Variants in ACOT7 observed in about 807,000 individuals in gnomAD.
ACOT7 encodes acyl-CoA thioesterase 7.
Under a neutral mutation model 40.2 loss-of-function variants are expected in ACOT7, and 12 were observed. The observed-to-expected ratio is 0.30, with a 90% CI of 0.19 to 0.48. ACOT7 has a LOEUF of 0.48. Ranked by LOEUF, ACOT7 falls within the 20% of genes least tolerant of loss-of-function variation. ACOT7 has a pLI of 0.99. For synonymous variants in ACOT7, 228 were observed against 219.5 expected (o/e 1.04, Z -0.34); for missense variants, 395 against 530.8 (o/e 0.74, Z 2.51).
chr1:6,280,056 G>A lies in ACOT7; in HGVS notation c.1014+1046C>T, dbSNP rs1024941512. On this transcript the variant is annotated intron_variant, in intron 8 of 8. Transcript: ENST00000361521. ...GATCTGCGTGGGGAGCAGACGCCGC[G>A]GGGGCAGGGGCCTCGAGAACCTCTG... Among the ~76,000 whole-genome samples the A allele has an allele frequency of 8.5e-5, 13 of 152,338 alleles. 1 individual carries two copies. The highest frequency in any genetic ancestry group is 1.4e-4 in the African/African-American group (6 of 41,572).
intron 3 of ACOT7, among the ~76,000 whole-genome samples, chr1:6,339,140 C>A (rs1641190602): frequency 6.6e-6 from 1 of 152,068 alleles, no homozygotes; most frequent in Non-Finnish European, 1.5e-5. Context: ...CATGGATGAG[C>A]TGGCCACGGG....
Position 6,287,960 on chromosome 1 carries a change from A to T in ACOT7, c.830-6674T>A, listed in dbSNP as rs188557099. 1.8e-4 allele frequency among the ~76,000 whole-genome samples: 28 copies of T among 152,190 alleles called. 1 individual carries two copies. Among genetic ancestry groups the T allele is most frequent in the Admixed American group, 1.8e-3 (27 of 15,292 alleles). Reference sequence around the variant, plus strand: ...TAATAGTGGAGATCGTTTCTCCCCAAGAAAACGTCAACTTTAGGTTTTCTC... The same window carrying T: ...TAATAGTGGAGATCGTTTCTCCCCATGAAAACGTCAACTTTAGGTTTTCTC... On this transcript the variant is annotated intron_variant, in intron 7 of 8. Transcript: ENST00000361521.
chr1:6,382,636 C>T (rs1415259774), intron 1 of ACOT7, among the ~76,000 whole-genome samples: 1 of 151,276 alleles, frequency 6.6e-6, no homozygotes, highest in Non-Finnish European at 1.5e-5. Context: ...GCCAACATGG[C>T]GAAATCCTGT....
At chr1:6,319,870 C>T (rs1272991459) in intron 5 of ACOT7, among the ~76,000 whole-genome samples, 1 of 152,214 alleles carries the variant, frequency 6.6e-6, no homozygotes, top group Non-Finnish European at 1.5e-5. Flanking sequence ...GAGCCATCCA[C>T]GAGGGTGCGA....
chr1:6,265,558 C>T (rs918589875), intron 8 of ACOT7, among the ~76,000 whole-genome samples: 14 of 152,160 alleles, frequency 9.2e-5, no homozygotes, highest in African/African-American at 1.4e-4. Context: ...CTGCCCAGGA[C>T]GGTCCTGGTT....
chr1:6,362,096 C>G (rs1197571352), intron 1 of ACOT7, among the ~76,000 whole-genome samples: 1 of 152,156 alleles, frequency 6.6e-6, no homozygotes, highest in Non-Finnish European at 1.5e-5. Context: ...GGGGAAAAGA[C>G]CCAGTTTTCT....
intron 8 of ACOT7, among the ~76,000 whole-genome samples, chr1:6,272,014 G>A (rs1055825265): frequency 1.3e-5 from 2 of 152,270 alleles, no homozygotes; most frequent in East Asian, 1.9e-4. Context: ...CTCTTGTGCC[G>A]GAGTGTGGAC....
intron 1 of ACOT7, among the ~76,000 whole-genome samples, chr1:6,375,045 A>T (rs1297844103): frequency 6.6e-6 from 1 of 151,900 alleles, no homozygotes; most frequent in African/African-American, 2.4e-5. Context: ...TGGGAGGCCG[A>T]GGCGGGCGGA....
At chr1:6,360,739 C>A (rs1641871727) in intron 1 of ACOT7, 3 of 1,596,320 alleles carry the variant, frequency 1.9e-6, no homozygotes, top group South Asian at 1.1e-5. Context: ...ATACTGTGCC[C>A]TTTGGACTTG....
At chr1:6,382,925 T>C (rs1426780912) in intron 1 of ACOT7, among the ~76,000 whole-genome samples, 1 of 151,530 alleles carries the variant, frequency 6.6e-6, no homozygotes, top group Non-Finnish European at 1.5e-5. Context: ...GTCACCCAGG[T>C]TGGAGTGCAA....
In ACOT7 at chr1:6,355,144, G is replaced by T. The variant is rs1641707972; in HGVS notation, c.144-5278C>A. Among the ~76,000 whole-genome samples, 1 of 152,082 alleles carries T rather than the reference G, an allele frequency of 6.6e-6. No individual in the cohort carries two copies. Among genetic ancestry groups the T allele is most frequent in the Admixed American group, 6.5e-5 (1 of 15,272 alleles). On this transcript the variant is annotated intron_variant, in intron 1 of 8. Coordinates refer to ENST00000361521, the MANE Select transcript of ACOT7 (RefSeq NM_007274.4). This position sits in a 1 kb window ranked among gnomAD's most constrained non-coding sequence, Gnocchi z 5.0. ...CCTTCCCACCGTTCTACCTGTCCCA[G>T]CAACGCCTGACCCACCCTTTGTGAA...
chr1:6,380,598 A>C (rs548258137), intron 1 of ACOT7, among the ~76,000 whole-genome samples: 3 of 151,272 alleles, frequency 2.0e-5, no homozygotes, highest in Admixed American at 6.6e-5. Context: ...AAAAAAAAAA[A>C]AAAACAAGAA....
chr1:6,379,476 G>C (rs1167907386), intron 1 of ACOT7, among the ~76,000 whole-genome samples: 1 of 148,500 alleles, frequency 6.7e-6, no homozygotes, highest in Non-Finnish European at 1.5e-5. Context: ...TTTTTTTTTT[G>C]AGACAGGGTC....
At chr1:6,335,595 C>T (rs1036914780) in intron 3 of ACOT7, among the ~76,000 whole-genome samples, 5 of 152,126 alleles carry the variant, frequency 3.3e-5, no homozygotes, top group Non-Finnish European at 5.9e-5. Context: ...CAGGAGCAGC[C>T]CCAGGGCCCT....
At chr1:6,332,298 C>T (rs1000999391) in intron 4 of ACOT7, among the ~76,000 whole-genome samples, 15 of 152,332 alleles carry the variant, frequency 9.8e-5, no homozygotes, top group African/African-American at 3.1e-4. Context: ...GCCTGTGGAC[C>T]GCAGGGTCAG....
rs945834536 is a variant in ACOT7 at position 6,268,501 on chromosome 1, C to T, written c.1015-3806G>A. ...CAATGATCTCCAGGCCCCAAAGAGA[C>T]GGGGACTTGGCTTTACAAGCGGTGG... On this transcript the variant is annotated intron_variant, in intron 8 of 8. Coordinates refer to ENST00000361521, the MANE Select transcript of ACOT7 (RefSeq NM_007274.4). Among the ~76,000 whole-genome samples the T allele has an allele frequency of 3.3e-5, 5 of 152,364 alleles. No homozygotes were observed. In the East Asian group the frequency reaches 7.7e-4, roughly 23 times the overall value.
Position 6,333,495 on chromosome 1 carries a change from G to A in ACOT7, c.492C>T (p.Leu164=), listed in dbSNP as rs761396245. ...PLSLKNVDKV[L]EVPPVVYSRQ... The stretch of plus-strand genomic sequence containing the variant: ...ACCTTACCACAACAGGAGGCACCTC[G>A]AGGACCTTGTCCACATTCTTCAGCG... Residue 164 remains leucine, a synonymous_variant, in exon 4 of 9, where the codon CTC becomes CTT. Coordinates refer to ENST00000361521, the MANE Select transcript of ACOT7 (RefSeq NM_007274.4). 5.6e-6 allele frequency: 9 copies of A among 1,614,082 alleles called. No homozygotes were observed. The highest frequency in any genetic ancestry group is 4.4e-5 in the South Asian group (4 of 91,086).
In ACOT7 at chr1:6,274,492, C is replaced by T. The variant is rs1389488302; in HGVS notation, c.1014+6610G>A. On this transcript the variant is annotated intron_variant, in intron 8 of 8. Coordinates refer to ENST00000361521, the MANE Select transcript of ACOT7 (RefSeq NM_007274.4). The surrounding 1 kb of genome is among the most constrained non-coding windows in gnomAD (Gnocchi z 5.9). ...TCCAGCCCATGCCACGCTGTCCTCT[C>T]GGCTGGCGCGGGGCTTACCCGGCCC... Among the ~76,000 whole-genome samples, 2 of 152,224 alleles carry T rather than the reference C, an allele frequency of 1.3e-5. No homozygotes were observed. The highest frequency in any genetic ancestry group is 2.9e-5 in the Non-Finnish European group (2 of 68,032).
intron 1 of ACOT7, among the ~76,000 whole-genome samples, chr1:6,368,725 G>A (rs1267489395): frequency 1.3e-5 from 2 of 152,202 alleles, no homozygotes; most frequent in Non-Finnish European, 2.9e-5. Context: ...CTCCAGGCCT[G>A]GGAGCAGGTC....
Sources: allele counts gnomAD v4.1 joint callset (sites outside exome capture counted in the v4.1 genomes callset), GRCh38; gene constraint gnomAD v4.1.1; non-coding constraint Gnocchi (gnomAD v3.1); transcripts MANE v1.5; gene names NCBI Gene and HGNC (gene_info 2026-07-23, HGNC 2026-07-21).